Variants in ABCC11 observed in about 807,000 individuals in gnomAD.
ABCC11 encodes the protein ATP binding cassette subfamily C member 11, also known as ATP-binding cassette sub-family C member 11.
ABCC11 carries 135 observed loss-of-function variants against 149.3 expected under a neutral mutation model. The ratio of observed to expected loss-of-function variants is 0.90; its 90% CI spans 0.79 to 1.04. The LOEUF (loss-of-function observed/expected upper bound fraction) is 1.04. ABCC11 is among the 50% of genes least tolerant of loss of function. ABCC11 has a pLI of 0.00. For synonymous variants in ABCC11, 665 were observed against 671.4 expected (o/e 0.99, Z 0.15); for missense variants, 1,680 against 1,722.1 (o/e 0.98, Z 0.43).
At chr16:48,237,304 T>C (rs776036009) in intron 1 of ABCC11, among the ~76,000 whole-genome samples, 14 of 152,212 alleles carry the variant, frequency 9.2e-5, no homozygotes, top group Non-Finnish European at 2.1e-4. Flanking sequence ...ACCCTCATTA[T>C]AGCCAGGATC....
chr16:48,234,336 T>C (rs1366949315), intron 1 of ABCC11, among the ~76,000 whole-genome samples: 1 of 152,200 alleles, frequency 6.6e-6, no homozygotes, highest in East Asian at 1.9e-4. Context: ...ATTATCTTTG[T>C]TTTTGATGTA....
At chr16:48,171,555 T>C (rs1965723251) in intron 26 of ABCC11, among the ~76,000 whole-genome samples, 1 of 152,260 alleles carries the variant, frequency 6.6e-6, no homozygotes, top group Non-Finnish European at 1.5e-5. Context: ...TGTTTTATTG[T>C]GTGATAGAAA....
intron 20 of ABCC11, among the ~76,000 whole-genome samples, 179 bp downstream of exon 20, chr16:48,192,341 G>C (rs1966997542): frequency 6.6e-6 from 1 of 152,206 alleles, no homozygotes; most frequent in African/African-American, 2.4e-5. Context: ...CTACTTGGGA[G>C]GCTGAGGCAG....
In ABCC11 at chr16:48,212,609, C is replaced by T. The variant is rs137881109; in HGVS notation, c.1356+834G>A. Among the ~76,000 whole-genome samples the T allele has an allele frequency of 3.8e-3, 578 of 152,264 alleles. 5 individuals are homozygous for T. The highest frequency in any genetic ancestry group is 0.014 in the African/African-American group (564 of 41,560). ...TCTTCATGTGATCTGATCTAATCCT[C>T]TTTGATCATTAATTTACTTGTTAAT... is the stretch of plus-strand genomic sequence containing the variant. On this transcript the variant is annotated intron_variant, in intron 10 of 29. Transcript: ENST00000356608.
intron 1 of ABCC11, among the ~76,000 whole-genome samples, chr16:48,247,058 C>T (rs554760413): frequency 2.8e-3 from 424 of 152,228 alleles, no homozygotes; most frequent in Non-Finnish European, 2.7e-3. Context: ...GAAAAGTCTT[C>T]ATAGAAGTCC....
intron 10 of ABCC11, among the ~76,000 whole-genome samples, chr16:48,212,051 G>A (rs1202020016): frequency 1.3e-5 from 2 of 152,196 alleles, no homozygotes; most frequent in Non-Finnish European, 2.9e-5. Context: ...GCACAGAAGG[G>A]GAGAATGAAT....
chr16:48,179,903 A>T (rs1966319804), intron 23 of ABCC11, among the ~76,000 whole-genome samples: 1 of 152,230 alleles, frequency 6.6e-6, no homozygotes, highest in Non-Finnish European at 1.5e-5. Context: ...CCCACAAGCC[A>T]TTTGGCTATG....
chr16:48,177,227 C>T (rs753522724), intron 24 of ABCC11, 114 bp from the exon 25 acceptor site: 45 of 1,084,750 alleles, frequency 4.1e-5, no homozygotes, highest in South Asian at 3.5e-4. Flanking sequence ...GCCTGCCTTG[C>T]GCCAAGGTCA....
At chr16:48,199,914 A>T (rs1001046117) in intron 15 of ABCC11, among the ~76,000 whole-genome samples, 2 of 151,968 alleles carry the variant, frequency 1.3e-5, no homozygotes. Flanking sequence ...GGTCTCAAGC[A>T]GTCCTCCTGC....
At chr16:48,184,846 C>T (rs1338931717) in intron 22 of ABCC11, among the ~76,000 whole-genome samples, 1 of 152,250 alleles carries the variant, frequency 6.6e-6, no homozygotes, top group Admixed American at 6.5e-5. Flanking sequence ...GGCTCTGCTG[C>T]TAAGGCCCAT....
Position 48,196,328 on chromosome 16 carries a change from C to T in ABCC11, c.2315-7G>A. 6.2e-7 allele frequency: 1 copy of T among 1,613,454 alleles called. No homozygotes were observed. The highest frequency in any genetic ancestry group is 8.5e-7 in the Non-Finnish European group (1 of 1,179,692). On this transcript the variant is annotated splice_polypyrimidine_tract_variant and splice_region_variant and intron_variant, in intron 17 of 29. Coordinates refer to ENST00000356608, the MANE Select transcript of ABCC11 (RefSeq NM_001370497.1). ...GTGAGCTGATGCTCCGGCACTGGGT[C>T]AGGGTAGAAGAAGAGAAAAGTGGTA...
At chr16:48,188,456 T>C (rs1298795552) in intron 20 of ABCC11, among the ~76,000 whole-genome samples, 1 of 152,230 alleles carries the variant, frequency 6.6e-6, no homozygotes, top group Non-Finnish European at 1.5e-5. Flanking sequence ...CCTACTGGGT[T>C]GCACACGATT....
In ABCC11 at chr16:48,170,212, T is replaced by C; in HGVS notation, c.3784A>G (p.Lys1262Glu). Residue 1262 changes from lysine to glutamate, a missense_variant, in exon 28 of 30, where the codon AAG (lysine) becomes GAG (glutamate). Transcript: ENST00000356608. ...TCTGTATGCAGCTTTTTGGGGAACT[T>C]TGAGATCTGCGATATGGGAAGAAGA... is the stretch of plus-strand genomic sequence containing the variant. ...ERTFLTKAIS[K>E]FPKKLHTDVV... The C allele has an allele frequency of 6.2e-7, 1 of 1,612,956 alleles. No homozygotes were observed. The highest frequency in any genetic ancestry group is 2.2e-5 in the East Asian group (1 of 44,854).
In ABCC11 at chr16:48,200,446, GC is replaced by G. The variant is rs1967860735; in HGVS notation, c.1911del (p.Gln638ArgfsTer52). 1.9e-6 allele frequency: 3 copies of G among 1,614,024 alleles called. No individual in the cohort carries two copies. The highest frequency in any genetic ancestry group is 2.5e-6 in the Non-Finnish European group (3 of 1,180,034). ...IGERGLNLSG[G>X]QKQRISLARA... The stretch of plus-strand genomic sequence containing the variant: ...CGGGCCAGGCTGATCCTCTGTTTCT[GC>G]CCCCCAGAGAGGTTGAGGCCCCGCT... On this transcript the variant is annotated frameshift_variant, in exon 15 of 30. Transcript: ENST00000356608. LOFTEE classifies it high-confidence loss of function.
At chr16:48,240,251 A>G (rs1970898799) in intron 1 of ABCC11, among the ~76,000 whole-genome samples, 1 of 152,248 alleles carries the variant, frequency 6.6e-6, no homozygotes. Context: ...ACTAGTCACA[A>G]TAACAAAGAC....
In ABCC11 at chr16:48,170,098, G is replaced by A. The variant is rs755801783; in HGVS notation, c.3891+7C>T. 54 of 1,611,258 alleles carry A rather than the reference G, an allele frequency of 3.4e-5. No homozygotes were observed. The highest frequency in any genetic ancestry group is 2.0e-4 in the Admixed American group (12 of 59,884). ...TTCCCCTGGCCACACGGCAGTGGTG[G>A]CCTCACCTTGGAGTTGCGAAGCACA... On this transcript the variant is annotated splice_region_variant and intron_variant, in intron 28 of 29. Transcript: ENST00000356608.
intron 23 of ABCC11, among the ~76,000 whole-genome samples, chr16:48,183,200 G>C (rs1291490557): frequency 6.6e-6 from 1 of 152,226 alleles, no homozygotes; most frequent in Non-Finnish European, 1.5e-5. Context: ...CATAACCACA[G>C]AGGGGACAAT....
intron 6 of ABCC11, among the ~76,000 whole-genome samples, chr16:48,221,599 T>C (rs552748392): frequency 3.9e-5 from 6 of 152,374 alleles, no homozygotes; most frequent in African/African-American, 1.4e-4. Context: ...AGTCTTCCCA[T>C]ACCCTCACCC....
In ABCC11 at chr16:48,194,270, C is replaced by A. The variant is rs537333633; in HGVS notation, c.2405-288G>T. Among the ~76,000 whole-genome samples, 3 of 152,308 alleles carry A rather than the reference C, an allele frequency of 2.0e-5. No homozygotes were observed. The South Asian group carries it at 6.2e-4, about 32-fold the overall frequency. On this transcript the variant is annotated intron_variant, in intron 18 of 29. Transcript: ENST00000356608. ...AGTGATAACCTTACCAGCTTCAGAG[C>A]CATGCTGAAGATGATATGATATAAT... is the stretch of plus-strand genomic sequence containing the variant.
Sources: gnomAD v4.1 joint callset for allele counts (sites outside exome capture counted in the v4.1 genomes callset) on GRCh38, gnomAD v4.1.1 for gene constraint, MANE v1.5 for transcripts, NCBI Gene and HGNC (gene_info 2026-07-23, HGNC 2026-07-21) for gene names.